Variants in LINGO2 observed in about 807,000 individuals in gnomAD.
LINGO2 encodes leucine-rich repeat and immunoglobulin-like domain-containing nogo receptor-interacting protein 2.
A neutral mutation model predicts 30.6 loss-of-function variants in LINGO2; 14 were observed. The ratio of observed to expected loss-of-function variants is 0.46; its 90% CI spans 0.30 to 0.72. LINGO2 has a LOEUF of 0.72. Among genes scored for constraint, LINGO2 ranks in the 30% least tolerant of loss-of-function variants. The pLI is 0.07. For synonymous variants in LINGO2, 317 were observed against 288.5 expected, an observed-to-expected ratio of 1.10 and a Z score of -1.00; for missense variants, 729 against 751.7, an observed-to-expected ratio of 0.97 and a Z score of 0.35.
the LINGO2 span, among the ~76,000 whole-genome samples, chr9:28,712,932 C>T: frequency 6.6e-6 from 1 of 152,006 alleles, no homozygotes; most frequent in Non-Finnish European, 1.5e-5. Flanking sequence ...ATGGCCTGAT[C>T]TCCGCTCACT....
At chr9:29,047,251 C>A in the LINGO2 span, among the ~76,000 whole-genome samples, 21 of 151,884 alleles carry the variant, frequency 1.4e-4, no homozygotes, top group African/African-American at 4.6e-4. Context: ...AGGACGTGAA[C>A]AGACACTTCT....
chr9:28,335,499 T>G (rs1359655129), intron 3 of LINGO2, among the ~76,000 whole-genome samples: 1 of 152,148 alleles, frequency 6.6e-6, no homozygotes, highest in Non-Finnish European at 1.5e-5. Flanking sequence ...AGTGTTCAAA[T>G]AAAACAGATA....
At chr9:28,597,077 A>G (rs1281146417) in intron 1 of LINGO2, among the ~76,000 whole-genome samples, 1 of 152,220 alleles carries the variant, frequency 6.6e-6, no homozygotes, top group African/African-American at 2.4e-5. Flanking sequence ...TGAGAAAAAT[A>G]CAAAGATATT....
intron 4 of LINGO2, among the ~76,000 whole-genome samples, chr9:28,244,029 C>T (rs1821907472): frequency 6.6e-6 from 1 of 152,160 alleles, no homozygotes; most frequent in Admixed American, 6.5e-5. Flanking sequence ...ATACATTCTT[C>T]TCAGAGCCAC....
chr9:28,201,291 A>G (rs1314785066), intron 4 of LINGO2, among the ~76,000 whole-genome samples: 2 of 139,564 alleles, frequency 1.4e-5, no homozygotes, highest in Non-Finnish European at 3.0e-5. Flanking sequence ...ATGTGATCTC[A>G]TTGTTCAATT....
At chr9:28,883,628 G>GTGTGTATGTATATATA in the LINGO2 span, among the ~76,000 whole-genome samples, 4,381 of 63,916 alleles carry the variant, frequency 0.069, 1,093 homozygotes, top group Non-Finnish European at 0.087. Flanking sequence ...ATGTGTGTGT[G>GTGTGTATGTATATATA]TATATATATA....
chr9:29,179,340 A>G, the LINGO2 span, among the ~76,000 whole-genome samples: 2 of 151,494 alleles, frequency 1.3e-5, 1 homozygote, highest in Non-Finnish European at 2.9e-5. Flanking sequence ...TGCATTCTCA[A>G]TTAACCTAGA....
At chr9:29,023,574 G>A in the LINGO2 span, among the ~76,000 whole-genome samples, 1 of 151,970 alleles carries the variant, frequency 6.6e-6, no homozygotes, top group Non-Finnish European at 1.5e-5. Flanking sequence ...AATGGTGCTT[G>A]CATAGTACAA....
the LINGO2 span, among the ~76,000 whole-genome samples, chr9:28,964,046 GAT>G: frequency 6.6e-6 from 1 of 151,744 alleles, no homozygotes; most frequent in African/African-American, 2.4e-5. Flanking sequence ...AGATGCAAAT[GAT>G]ATGTGTGCAT....
chr9:28,572,458 T>C (rs570823913), intron 1 of LINGO2, among the ~76,000 whole-genome samples: 1 of 152,120 alleles, frequency 6.6e-6, no homozygotes, highest in South Asian at 2.1e-4. Flanking sequence ...GAACATCCAA[T>C]ACTTGACATT....
chr9:28,310,999 A>ATTTCATGTAG (rs1824594178), intron 3 of LINGO2, among the ~76,000 whole-genome samples: 1 of 152,140 alleles, frequency 6.6e-6, no homozygotes, highest in Non-Finnish European at 1.5e-5. Context: ...TATTGGGCGA[A>ATTTCATGTAG]ATTCACCCCC....
chr9:28,986,112 C>A, the LINGO2 span, among the ~76,000 whole-genome samples: 1 of 151,894 alleles, frequency 6.6e-6, no homozygotes, highest in Non-Finnish European at 1.5e-5. Context: ...ATTGAAGAGG[C>A]TATATTATTC....
chr9:27,999,613 G>A (rs1328916648), intron 5 of LINGO2, among the ~76,000 whole-genome samples: 2 of 152,046 alleles, frequency 1.3e-5, no homozygotes, highest in Admixed American at 6.6e-5. Flanking sequence ...CTGCCTCCCT[G>A]GAAGAGACTG....
At chr9:28,151,214 A>G (rs764161505) in intron 4 of LINGO2, among the ~76,000 whole-genome samples, 2 of 152,158 alleles carry the variant, frequency 1.3e-5, no homozygotes, top group African/African-American at 4.8e-5. Context: ...AATAGCAAAG[A>G]TGTTTTCATA....
intron 4 of LINGO2, among the ~76,000 whole-genome samples, chr9:28,279,955 AT>A (rs1276435658): frequency 6.6e-6 from 1 of 151,974 alleles, no homozygotes; most frequent in Non-Finnish European, 1.5e-5. Flanking sequence ...ATGTGTTTTT[AT>A]TTTGTCTCTG....
intron 5 of LINGO2, among the ~76,000 whole-genome samples, chr9:27,990,035 T>C (rs80239685): frequency 0.012 from 1,762 of 152,172 alleles, 31 homozygotes; most frequent in African/African-American, 0.04. Context: ...CCTATTGCTA[T>C]AGTGCATACT....
At chr9:28,902,107 T>C in the LINGO2 span, among the ~76,000 whole-genome samples, 2 of 152,240 alleles carry the variant, frequency 1.3e-5, no homozygotes, top group East Asian at 1.9e-4. Flanking sequence ...CCTAACTATA[T>C]GCTGCTTACA....
chr9:28,465,017 C>G (rs1303918712), intron 2 of LINGO2, among the ~76,000 whole-genome samples: 1 of 152,022 alleles, frequency 6.6e-6, no homozygotes, highest in East Asian at 1.9e-4. Flanking sequence ...TGGGCGCCGC[C>G]CCCCCGCCCC....
chr9:28,585,667 A>AT (rs1824497919), intron 1 of LINGO2, among the ~76,000 whole-genome samples: 1 of 151,990 alleles, frequency 6.6e-6, no homozygotes, highest in Non-Finnish European at 1.5e-5. Flanking sequence ...TATTAAATGC[A>AT]TTTTTTACTT....
Sources: gnomAD v4.1 joint callset for allele counts (sites outside exome capture counted in the v4.1 genomes callset) on GRCh38, gnomAD v4.1.1 for gene constraint, MANE v1.5 for transcripts, NCBI Gene and HGNC (gene_info 2026-07-23, HGNC 2026-07-21) for gene names.